Variants in CDH5 observed in about 807,000 individuals in gnomAD.
CDH5 encodes the protein cadherin-5.
CDH5 carries 28 observed loss-of-function variants against 62.0 expected under a neutral mutation model. That is an observed-to-expected ratio of 0.45 (90% CI 0.33 to 0.62). The LOEUF (loss-of-function observed/expected upper bound fraction) is 0.62. Among genes scored for constraint, CDH5 ranks in the 20% least tolerant of loss-of-function variants. CDH5 has a pLI of 0.02. For synonymous variants in CDH5, 464 were observed against 445.8 expected (o/e 1.04, Z -0.52); for missense variants, 940 against 1,065.1 (o/e 0.88, Z 1.63).
chr16:66,380,424 G>A (rs1960875175), intron 2 of CDH5, among the ~76,000 whole-genome samples: 1 of 150,360 alleles, frequency 6.7e-6, no homozygotes, highest in African/African-American at 2.5e-5. Flanking sequence ...AAGGGTAGGT[G>A]GTCGTTGTGA....
chr16:66,372,713 G>A (rs535769713), intron 1 of CDH5, among the ~76,000 whole-genome samples: 49 of 152,200 alleles, frequency 3.2e-4, no homozygotes, highest in African/African-American at 1.1e-3. Flanking sequence ...AGGCCTCTGC[G>A]GTCCCAACCT....
At chr16:66,379,181 T>C (rs1029286206) in intron 1 of CDH5, 138 bp from the exon 2 acceptor site, 1 of 684,544 alleles carries the variant, frequency 1.5e-6, no homozygotes, top group Non-Finnish European at 2.6e-6. Flanking sequence ...GGGGGAACAA[T>C]AATGTTAATT....
intron 1 of CDH5, among the ~76,000 whole-genome samples, chr16:66,372,337 C>G (rs1960706806): frequency 6.6e-6 from 1 of 152,234 alleles, no homozygotes; most frequent in South Asian, 2.1e-4. Flanking sequence ...TGCTGCATGA[C>G]TGTATAACCC....
intron 7 of CDH5, 98 bp downstream of exon 7, chr16:66,392,481 C>T (rs1435332108): frequency 1.4e-6 from 2 of 1,479,666 alleles, no homozygotes; most frequent in African/African-American, 2.8e-5. Flanking sequence ...GGGGAACTGG[C>T]TTCTCCTAGC....
intron 2 of CDH5, among the ~76,000 whole-genome samples, chr16:66,386,066 G>A (rs1331725666): frequency 6.6e-6 from 1 of 152,156 alleles, no homozygotes; most frequent in Non-Finnish European, 1.5e-5. Context: ...TTACAAATGA[G>A]GCAACTAAAA....
rs192498108 is a variant in CDH5 at position 66,379,389 on chromosome 16, C to G, written c.52C>G (p.Leu18Val). The change falls in exon 2 of 12, where the codon CTG (leucine) becomes GTG (valine). Residue 18 changes from leucine to valine, a missense_variant. Leu to Val is a conservative substitution (Grantham distance 32). Coordinates refer to ENST00000341529, the MANE Select transcript of CDH5 (RefSeq NM_001795.5). ...CACATCGGGCGCCTGCCTGGGCCTG[C>G]TGGCAGTGGCAGCAGTGGCAGCAGC... ...LATSGACLGL[L>V]AVAAVAAAGA... is the part of the protein sequence containing the mutation. The G allele has an allele frequency of 8.7e-6, 14 of 1,614,082 alleles. No homozygotes were observed. In the East Asian group the frequency reaches 2.5e-4, roughly 28 times the overall value.
In CDH5 at chr16:66,398,550, C is replaced by G; in HGVS notation, c.1580C>G (p.Thr527Arg). 3 of 1,525,858 alleles carry G rather than the reference C, an allele frequency of 2.0e-6. No homozygotes were observed. Among genetic ancestry groups the G allele is most frequent in the Non-Finnish European group, 2.7e-6 (3 of 1,099,478 alleles). 94.5% of individuals were successfully genotyped at this position (1,525,858 alleles called of 1,614,324 possible). Residue 527 changes from threonine to arginine, a missense_variant, in exon 10 of 12, where the codon ACG becomes AGG. Physicochemically the swap from Thr to Arg is moderately conservative, Grantham distance 71. Coordinates refer to ENST00000341529, the MANE Select transcript of CDH5 (RefSeq NM_001795.5). ...ILNTENNFTL[T>R]DNHDNTANIT... ...AATACTGAGAACAACTTTACCCTCA[C>G]GGATAATCACGGTAGGCATCAAAGT...
intron 1 of CDH5, among the ~76,000 whole-genome samples, chr16:66,370,910 G>A (rs1193755836): frequency 1.3e-5 from 2 of 152,172 alleles, no homozygotes; most frequent in Non-Finnish European, 2.9e-5. Context: ...CTGGCAGGGT[G>A]GGCAGGGGAC....
chr16:66,384,888 C>A (rs975109553), intron 2 of CDH5, among the ~76,000 whole-genome samples: 3 of 152,118 alleles, frequency 2.0e-5, no homozygotes, highest in African/African-American at 7.2e-5. Flanking sequence ...ATCGCTTGAA[C>A]CCAGGAGGCG....
rs578021893 is a variant in CDH5, at chr16:66,372,994, C to T, written c.-20+6236C>T. 3.7e-3 allele frequency among the ~76,000 whole-genome samples: 562 copies of T among 152,292 alleles called. 1 individual carries two copies. Among genetic ancestry groups the T allele is most frequent in the Non-Finnish European group, 6.7e-3 (456 of 68,022 alleles). ...GCCTGGGACACTGCAGGTACCTGGC[C>T]TCGGCGTGCTCAGAACCTACATCTG... On this transcript the variant is annotated intron_variant, in intron 1 of 11. Transcript: ENST00000341529.
chr16:66,391,371 G>T (rs557055960), intron 6 of CDH5, among the ~76,000 whole-genome samples: 2 of 152,240 alleles, frequency 1.3e-5, no homozygotes, highest in South Asian at 4.1e-4. Flanking sequence ...GCTAGGAGGG[G>T]TTTCTGAGAG....
At chr16:66,368,462 G>C (rs1022865284) in intron 1 of CDH5, among the ~76,000 whole-genome samples, 1 of 152,232 alleles carries the variant, frequency 6.6e-6, no homozygotes, top group Admixed American at 6.5e-5. Flanking sequence ...CCAAACAAGG[G>C]CCGGACATGA....
intron 7 of CDH5, among the ~76,000 whole-genome samples, chr16:66,393,784 T>A (rs946747789): frequency 3.3e-5 from 5 of 152,228 alleles, no homozygotes; most frequent in African/African-American, 1.2e-4. Flanking sequence ...AAATTTTGTA[T>A]CCAGGTTTTT....
intron 10 of CDH5, among the ~76,000 whole-genome samples, chr16:66,400,375 T>C (rs1439218560): frequency 6.6e-6 from 1 of 152,210 alleles, no homozygotes; most frequent in African/African-American, 2.4e-5. Flanking sequence ...TAAAAGACTT[T>C]TTAAAACTTT....
chr16:66,370,911 G>A (rs180953388), intron 1 of CDH5, among the ~76,000 whole-genome samples: 4 of 152,178 alleles, frequency 2.6e-5, no homozygotes, highest in Admixed American at 2.0e-4. Context: ...TGGCAGGGTG[G>A]GCAGGGGACA....
chr16:66,398,158 G>C, intron 9 of CDH5, 52 bp downstream of exon 9: 1 of 1,609,270 alleles, frequency 6.2e-7, no homozygotes, highest in Non-Finnish European at 8.5e-7. Flanking sequence ...GGGGCAGGCT[G>C]GGGGGCAGAA....
intron 1 of CDH5, chr16:66,376,280 G>A (rs1389975214): frequency 6.6e-6 from 1 of 152,132 alleles, no homozygotes; most frequent in African/African-American, 2.4e-5. Flanking sequence ...GGAATTTTTA[G>A]CTCCATTAAA....
In CDH5 at chr16:66,404,186, A is replaced by T. The variant is rs1961347923; in HGVS notation, c.*1017A>T. The T allele has an allele frequency of 6.5e-6, 1 of 152,734 alleles. No individual in the cohort carries two copies. The highest frequency in any genetic ancestry group is 6.5e-5 in the Admixed American group (1 of 15,282). 9.5% of individuals were successfully genotyped at this position (152,734 alleles called of 1,614,324 possible). On this transcript the variant is annotated 3_prime_UTR_variant, in exon 12 of 12. Coordinates refer to ENST00000341529, the MANE Select transcript of CDH5 (RefSeq NM_001795.5). ...CTTTAGCAAAACTGGACAATGTCCA[A>T]ACCCACTCATGACTGCATGACGGAG...
At chr16:66,398,142 C>G in intron 9 of CDH5, 36 bp downstream of exon 9, 1 of 1,613,548 alleles carries the variant, frequency 6.2e-7, no homozygotes, top group South Asian at 1.1e-5. Flanking sequence ...AAGGCAGCAC[C>G]ACCCTGGGGC....
Sources: allele counts gnomAD v4.1 joint callset (sites outside exome capture counted in the v4.1 genomes callset), GRCh38; gene constraint gnomAD v4.1.1; transcripts MANE v1.5; gene names NCBI Gene and HGNC (gene_info 2026-07-23, HGNC 2026-07-21).